PODXL2: variants seen among roughly 807,000 people sequenced by gnomAD.
PODXL2 encodes podocalyxin-like protein 2.
PODXL2 carries 17 observed loss-of-function variants against 53.4 expected under a neutral mutation model. The observed-to-expected ratio is 0.32, with a 90% CI of 0.22 to 0.48. PODXL2 has a LOEUF of 0.48. PODXL2 is among the 20% of genes least tolerant of loss of function. The pLI is 0.99. For missense variants in PODXL2, 673 were observed against 760.0 expected, an observed-to-expected ratio of 0.89 and a Z score of 1.35; for synonymous variants, 311 against 306.7, an observed-to-expected ratio of 1.01 and a Z score of -0.15.
intron 2 of PODXL2, among the ~76,000 whole-genome samples, chr3:127,641,687 A>T (rs963354130): frequency 6.7e-6 from 1 of 149,940 alleles, no homozygotes; most frequent in East Asian, 2.0e-4. Context: ...ATAATTTTGT[A>T]TTTTTTTTAG....
chr3:127,636,684 G>A (rs952834627), intron 1 of PODXL2, among the ~76,000 whole-genome samples: 2 of 152,222 alleles, frequency 1.3e-5, no homozygotes, highest in Non-Finnish European at 2.9e-5. Flanking sequence ...AAGACATTCC[G>A]GATGGGGTGT....
At chr3:127,632,524 G>A (rs72965771) in intron 1 of PODXL2, among the ~76,000 whole-genome samples, 1,837 of 152,314 alleles carry the variant, frequency 0.012, 32 homozygotes, top group African/African-American at 0.041. Context: ...CAGGCTGCCC[G>A]GGTGCCCCGG....
intron 2 of PODXL2, among the ~76,000 whole-genome samples, chr3:127,648,947 AC>A (rs1166616616): frequency 1.3e-5 from 2 of 148,862 alleles, no homozygotes; most frequent in Admixed American, 6.7e-5. Flanking sequence ...AGGTGCCACC[AC>A]CCCCAGCTAA....
rs770517121 is a variant in PODXL2, at chr3:127,668,444, G to A, written c.1210G>A (p.Val404Met). ...LNMTENIDCE[V>M]FRQHRGPQLL... ...GGGGCTCTTTCTGCCCTTGTAGGAG[G>A]TGTTCCGGCAGCACCGGGGGCCACA... The change falls in exon 5 of 8, where the codon GTG (valine) becomes ATG (methionine). Residue 404 changes from valine to methionine, a missense_variant. Physicochemically the swap from Val to Met is conservative, Grantham distance 21. Coordinates refer to ENST00000342480, the MANE Select transcript of PODXL2 (RefSeq NM_015720.4). 8.4e-6 allele frequency: 13 copies of A among 1,539,076 alleles called. No homozygotes were observed. The South Asian group carries it at 1.7e-4, about 20-fold the overall frequency.
intron 1 of PODXL2, among the ~76,000 whole-genome samples, chr3:127,637,254 G>T (rs1166577402): frequency 1.3e-5 from 2 of 152,174 alleles, no homozygotes; most frequent in East Asian, 1.9e-4. Context: ...AGATGCTAAG[G>T]CTCTGATGCC....
rs748594868 is a variant in PODXL2 at position 127,660,690 on chromosome 3, G to A, written c.662G>A (p.Arg221Lys). 3.1e-6 allele frequency: 5 copies of A among 1,614,208 alleles called. No individual in the cohort carries two copies. In the East Asian group the frequency reaches 8.9e-5, roughly 29 times the overall value. ...SSQTPGATKS[R>K]HEDSGDQASS... ...CAGACCCCAGGGGCCACCAAAAGCA[G>A]GCATGAAGACTCCGGGGACCAGGCC... Residue 221 changes from arginine (R) to lysine (K), a missense_variant, in exon 3 of 8, where the codon AGG becomes AAG. Physicochemically the swap from Arg to Lys is conservative, Grantham distance 26. Transcript: ENST00000342480.
At position 127,660,504 on chromosome 3, in the gene PODXL2, C is replaced by T; in HGVS notation, c.476C>T (p.Pro159Leu). ...CTGGTTGAGCCTCCCTGGCATATGC[C>T]TCCCAGAGAGGAGGAAGAAGAGGAA... ...MNLVEPPWHM[P>L]PREEEEEEEE... The change falls in exon 3 of 8, where the codon CCT (proline) becomes CTT (leucine). Residue 159 changes from proline (P) to leucine (L), a missense_variant. Physicochemically the swap from Pro to Leu is moderately conservative, Grantham distance 98. Coordinates refer to ENST00000342480, the MANE Select transcript of PODXL2 (RefSeq NM_015720.4). The T allele has an allele frequency of 6.2e-7, 1 of 1,613,978 alleles. No homozygotes were observed. The highest frequency in any genetic ancestry group is 2.2e-5 in the East Asian group (1 of 44,866).
Position 127,660,532 on chromosome 3 carries a change from G to A in PODXL2, c.504G>A (p.Glu168=), listed in dbSNP as rs752379180. The A allele has an allele frequency of 3.7e-6, 6 of 1,613,826 alleles. No homozygotes were observed. In the South Asian group the frequency reaches 6.6e-5, roughly 18 times the overall value. ...CCAGAGAGGAGGAAGAAGAGGAAGAGGAAGAGGAGGAGAGGGAGAAGGAAG... is the reference window on the plus strand; with the variant it reads ...CCAGAGAGGAGGAAGAAGAGGAAGAAGAAGAGGAGGAGAGGGAGAAGGAAG... The part of the protein sequence containing the change: ...MPPREEEEEE[E]EEEEREKEEV... The change falls in exon 3 of 8, where the codon GAG becomes GAA. Residue 168 remains glutamate, a synonymous_variant. Transcript: ENST00000342480.
At chr3:127,649,655 A>T (rs1487212443) in intron 2 of PODXL2, among the ~76,000 whole-genome samples, 1 of 152,264 alleles carries the variant, frequency 6.6e-6, no homozygotes, top group African/African-American at 2.4e-5. Context: ...AGTAGTTTTA[A>T]GCCAGGCATG....
Position 127,643,478 on chromosome 3 carries a change from G to A in PODXL2, c.349+3955G>A, listed in dbSNP as rs559695556. 6.9e-4 allele frequency among the ~76,000 whole-genome samples: 105 copies of A among 152,138 alleles called. 1 individual carries two copies. The highest frequency in any genetic ancestry group is 1.3e-3 in the Non-Finnish European group (90 of 68,018). On this transcript the variant is annotated intron_variant, in intron 2 of 7. Transcript: ENST00000342480. Reference sequence around the variant, plus strand: ...ACCTGCCTCAGCCTCTCAAAGTGTTGGGATTACAGGCATGAGCCACCACAC... The same window carrying A: ...ACCTGCCTCAGCCTCTCAAAGTGTTAGGATTACAGGCATGAGCCACCACAC...
intron 3 of PODXL2, 116 bp downstream of exon 3, chr3:127,661,275 C>T: frequency 1.4e-6 from 1 of 732,062 alleles, no homozygotes; most frequent in Non-Finnish European, 2.2e-6. Context: ...GAGGCCCTTT[C>T]CACAGCACGT....
rs537536611 is a variant in PODXL2 at position 127,662,402 on chromosome 3, C to T, written c.1206+91C>T. ...GGGCAGGCTGGGGGGACAAGCAGTG[C>T]GTGGGAGAAGGCTTAGTCCTTCAGT... On this transcript the variant is annotated intron_variant, in intron 4 of 7. Transcript: ENST00000342480. The T allele has an allele frequency of 5.2e-4, 495 of 954,542 alleles. 1 individual carries two copies. Among genetic ancestry groups the T allele is most frequent in the Non-Finnish European group, 6.9e-4 (425 of 618,518 alleles). 59.1% of individuals were successfully genotyped at this position (954,542 alleles called of 1,614,324 possible).
chr3:127,648,983 G>A (rs1046133010), intron 2 of PODXL2, among the ~76,000 whole-genome samples: 1 of 151,804 alleles, frequency 6.6e-6, no homozygotes, highest in African/African-American at 2.4e-5. Context: ...GTAGAGACGG[G>A]GTTTTGTCAT....
chr3:127,672,225 G>A (rs983058822), intron 7 of PODXL2, 43 bp from the exon 8 acceptor site: 4 of 1,508,640 alleles, frequency 2.7e-6, no homozygotes, highest in Non-Finnish European at 3.6e-6. Flanking sequence ...CGCTGTCCGG[G>A]GGCTGGCTCG....
intron 2 of PODXL2, among the ~76,000 whole-genome samples, chr3:127,650,782 G>A (rs1482991716): frequency 6.6e-6 from 1 of 151,992 alleles, no homozygotes; most frequent in African/African-American, 2.4e-5. Flanking sequence ...TCAGCCTCCT[G>A]AGTAGCTGGG....
intron 2 of PODXL2, among the ~76,000 whole-genome samples, chr3:127,659,130 A>G (rs1480592997): frequency 6.6e-6 from 1 of 152,112 alleles, no homozygotes; most frequent in Non-Finnish European, 1.5e-5. Context: ...TAGGGATGCA[A>G]TATTTTGTAA....
At chr3:127,630,672 G>T (rs1373456293) in intron 1 of PODXL2, among the ~76,000 whole-genome samples, 3 of 152,140 alleles carry the variant, frequency 2.0e-5, no homozygotes, top group African/African-American at 7.2e-5. Context: ...GCATGTCATG[G>T]GAAGGCTCAG....
rs2074526551 is a variant in PODXL2, at chr3:127,629,364, G to T, written c.70+75G>T. ...GCGGTGCTGGACAGCTCCCCGGGCC[G>T]CCAACAAAGGGGCCAGAGTGCGGCG... On this transcript the variant is annotated intron_variant, in intron 1 of 7. Coordinates refer to ENST00000342480, the MANE Select transcript of PODXL2 (RefSeq NM_015720.4). The surrounding 1 kb of genome is among the most constrained non-coding windows in gnomAD (Gnocchi z 6.4). 2 of 993,550 alleles carry T rather than the reference G, an allele frequency of 2.0e-6. No homozygotes were observed. The highest frequency in any genetic ancestry group is 2.4e-6 in the Non-Finnish European group (2 of 834,586). 61.5% of individuals were successfully genotyped at this position (993,550 alleles called of 1,614,324 possible). A position where few individuals can be genotyped will look rare whatever the true frequency, so the allele number is the denominator to read the frequency against.
chr3:127,668,697 C>A, intron 5 of PODXL2, 100 bp downstream of exon 5: 1 of 1,161,812 alleles, frequency 8.6e-7, no homozygotes, highest in Non-Finnish European at 1.2e-6. Context: ...GGCTTTGAAA[C>A]TTGGAACTCC....
Sources: gnomAD v4.1 joint callset for allele counts (sites outside exome capture counted in the v4.1 genomes callset) on GRCh38, gnomAD v4.1.1 for gene constraint, Gnocchi (gnomAD v3.1) non-coding constraint, MANE v1.5 for transcripts, NCBI Gene and HGNC (gene_info 2026-07-23, HGNC 2026-07-21) for gene names.